Variants in CDC42SE2 observed in about 807,000 individuals in gnomAD.
CDC42SE2 encodes CDC42 small effector 2.
A neutral mutation model predicts 11.5 loss-of-function variants in CDC42SE2; 3 were observed. The ratio of observed to expected loss-of-function variants is 0.26; its 90% CI spans 0.12 to 0.67. The LOEUF is 0.67. Among genes scored for constraint, CDC42SE2 ranks in the 30% least tolerant of loss-of-function variants. CDC42SE2 has a pLI of 0.80. For missense variants in CDC42SE2, 82 were observed against 106.8 expected (o/e 0.77, Z 1.02); for synonymous variants, 33 against 34.8 (o/e 0.95, Z 0.18).
chr5:131,299,268 G>C (rs1757632903), intron 1 of CDC42SE2, among the ~76,000 whole-genome samples: 1 of 152,156 alleles, frequency 6.6e-6, no homozygotes, highest in Admixed American at 6.5e-5. Context: ...TATCATTCTA[G>C]CCAAAATGGG....
At chr5:131,310,726 A>C (rs1376872907) in intron 1 of CDC42SE2, among the ~76,000 whole-genome samples, 1 of 151,880 alleles carries the variant, frequency 6.6e-6, no homozygotes, top group East Asian at 1.9e-4. Flanking sequence ...TTGATTTTTG[A>C]TGGTTTAAAG....
chr5:131,382,380 G>C (rs1319689392), intron 3 of CDC42SE2, among the ~76,000 whole-genome samples: 3 of 152,142 alleles, frequency 2.0e-5, no homozygotes, highest in Non-Finnish European at 4.4e-5. Context: ...TATGGTTTCT[G>C]TTCTCCCCCA....
the CDC42SE2 span, among the ~76,000 whole-genome samples, chr5:131,232,734 C>CAAAAAAAAAAAAA: frequency 2.4e-5 from 1 of 42,180 alleles, no homozygotes; most frequent in African/African-American, 1.1e-4. Flanking sequence ...GACTCGGTCT[C>CAAAAAAAAAAAAA]AAAAAAAAAA....
intron 2 of CDC42SE2, among the ~76,000 whole-genome samples, chr5:131,331,920 C>T (rs1422084259): frequency 6.6e-5 from 10 of 152,018 alleles, no homozygotes; most frequent in Non-Finnish European, 1.2e-4. Flanking sequence ...ATATTGTTCA[C>T]GATTCTGACT....
chr5:131,353,700 G>A (rs1170757035), intron 2 of CDC42SE2, among the ~76,000 whole-genome samples: 3 of 152,104 alleles, frequency 2.0e-5, no homozygotes, highest in Non-Finnish European at 2.9e-5. Flanking sequence ...GAGGTCAGGC[G>A]TTTGAGACCA....
At chr5:131,229,168 T>C in the CDC42SE2 span, among the ~76,000 whole-genome samples, 1 of 149,614 alleles carries the variant, frequency 6.7e-6, no homozygotes, top group Non-Finnish European at 1.5e-5. Flanking sequence ...CCTTATGGGG[T>C]GTGTGTGTGT....
chr5:131,322,002 C>T (rs182472504), intron 2 of CDC42SE2, among the ~76,000 whole-genome samples: 343 of 152,276 alleles, frequency 2.3e-3, no homozygotes, highest in African/African-American at 5.4e-3. Flanking sequence ...AGGCACCCGC[C>T]ACCACGCCTG....
At chr5:131,244,436 C>T (rs1201553021), upstream of CDC42SE2, among the ~76,000 whole-genome samples, 1 of 152,148 alleles carries the variant, frequency 6.6e-6, no homozygotes, top group Admixed American at 6.5e-5. Context: ...TCAGGCCGGG[C>T]ACAGTGGCTC....
In CDC42SE2 at chr5:131,362,984, TA is replaced by T. The variant is rs952103024; in HGVS notation, c.54+3448del. Among the ~76,000 whole-genome samples, 65 of 146,432 alleles carry T rather than the reference TA, an allele frequency of 4.4e-4. No homozygotes were observed. The South Asian group carries it at 5.0e-3, about 11-fold the overall frequency. ...CAACATGGTGAAACCCTGTCTCTACTAAAAAAAAAAATTAGCCGGTGTGATG... is the reference window on the plus strand; with the variant it reads ...CAACATGGTGAAACCCTGTCTCTACTAAAAAAAAAATTAGCCGGTGTGATG... On this transcript the variant is annotated intron_variant, in intron 3 of 4. Coordinates refer to ENST00000505065, the MANE Select transcript of CDC42SE2 (RefSeq NM_001375635.1).
chr5:131,329,746 G>A (rs983294056), intron 2 of CDC42SE2, among the ~76,000 whole-genome samples: 2 of 151,484 alleles, frequency 1.3e-5, no homozygotes, highest in Non-Finnish European at 2.9e-5. Context: ...GGGCATGGTG[G>A]TGGGCCCCTG....
At chr5:131,292,761 A>C (rs1447756807) in intron 1 of CDC42SE2, among the ~76,000 whole-genome samples, 1 of 150,988 alleles carries the variant, frequency 6.6e-6, no homozygotes, top group Non-Finnish European at 1.5e-5. Context: ...ATAAAATAAA[A>C]ATCAGCCTGG....
At chr5:131,347,476 A>G (rs529481616) in intron 2 of CDC42SE2, among the ~76,000 whole-genome samples, 7 of 152,332 alleles carry the variant, frequency 4.6e-5, no homozygotes, top group African/African-American at 1.7e-4. Flanking sequence ...GAATAGACCA[A>G]TAACAGGCTC....
chr5:131,274,050 G>A (rs1757050984), intron 1 of CDC42SE2, among the ~76,000 whole-genome samples: 2 of 152,088 alleles, frequency 1.3e-5, no homozygotes, highest in South Asian at 2.1e-4. Context: ...GACTACAGGC[G>A]TGAGCTACTG....
At chr5:131,330,003 A>G (rs1411772652) in intron 2 of CDC42SE2, among the ~76,000 whole-genome samples, 3 of 150,780 alleles carry the variant, frequency 2.0e-5, no homozygotes, top group East Asian at 3.9e-4. Flanking sequence ...ATTCTATTAT[A>G]TCTCTCAATC....
intron 3 of CDC42SE2, among the ~76,000 whole-genome samples, chr5:131,368,252 C>CAAAA (rs543328653): frequency 1.2e-4 from 8 of 65,392 alleles, no homozygotes; most frequent in East Asian, 5.3e-4. Flanking sequence ...GACTCCATCT[C>CAAAA]AAAAAAAAAA....
intron 1 of CDC42SE2, among the ~76,000 whole-genome samples, chr5:131,276,991 C>T (rs537733200): frequency 2.2e-4 from 34 of 152,206 alleles, no homozygotes; most frequent in African/African-American, 7.2e-4. Context: ...CCGCCCACCT[C>T]GGCCTCCCAA....
At chr5:131,334,616 G>A (rs774761479) in intron 2 of CDC42SE2, among the ~76,000 whole-genome samples, 5 of 152,130 alleles carry the variant, frequency 3.3e-5, no homozygotes, top group Non-Finnish European at 5.9e-5. Context: ...TGGTTGGTAG[G>A]CTATTAATTG....
chr5:131,379,248 GCTT>G (rs567312852), intron 3 of CDC42SE2, among the ~76,000 whole-genome samples: 36 of 152,204 alleles, frequency 2.4e-4, no homozygotes, highest in African/African-American at 8.2e-4. Context: ...CTCTGTATCT[GCTT>G]CTAGAACTAC....
intron 2 of CDC42SE2, among the ~76,000 whole-genome samples, chr5:131,347,986 G>A (rs1287437608): frequency 6.6e-6 from 1 of 152,112 alleles, no homozygotes; most frequent in Non-Finnish European, 1.5e-5. Context: ...GTATTGATGG[G>A]ACGTATCTCA....
Sources: allele counts gnomAD v4.1 joint callset (sites outside exome capture counted in the v4.1 genomes callset), GRCh38; gene constraint gnomAD v4.1.1; transcripts MANE v1.5; gene names NCBI Gene and HGNC (gene_info 2026-07-23, HGNC 2026-07-21).